Variants in CENPP observed in about 807,000 individuals in gnomAD.
CENPP encodes centromere protein P.
A neutral mutation model predicts 35.6 loss-of-function variants in CENPP; 24 were observed. The observed-to-expected ratio is 0.67, with a 90% CI of 0.49 to 0.95. CENPP has a LOEUF of 0.95. Among genes scored for constraint, CENPP ranks in the 40% least tolerant of loss-of-function variants. The pLI, the probability that CENPP is intolerant of heterozygous loss-of-function variation, is 0.00. For synonymous variants in CENPP, 120 were observed against 125.5 expected (o/e 0.96, Z 0.29); for missense variants, 332 against 345.3 (o/e 0.96, Z 0.31).
At chr9:92,568,110 T>G (rs954041013) in intron 5 of CENPP, among the ~76,000 whole-genome samples, 1 of 152,032 alleles carries the variant, frequency 6.6e-6, no homozygotes, top group Admixed American at 6.6e-5. Context: ...AGGATACATG[T>G]GCACTAGGGT....
intron 5 of CENPP, among the ~76,000 whole-genome samples, chr9:92,394,351 T>C (rs1229245699): frequency 6.6e-6 from 1 of 151,968 alleles, no homozygotes; most frequent in African/African-American, 2.4e-5. Context: ...CAAGCGATTC[T>C]TCTGCCTCAG....
chr9:92,419,510 A>G (rs1374592201), intron 5 of CENPP, among the ~76,000 whole-genome samples: 1 of 152,072 alleles, frequency 6.6e-6, no homozygotes, highest in Non-Finnish European at 1.5e-5. Context: ...CATGTTGACC[A>G]GGCTGCTCTC....
chr9:92,586,038 G>A (rs1850531243), intron 5 of CENPP, among the ~76,000 whole-genome samples: 1 of 151,604 alleles, frequency 6.6e-6, no homozygotes, highest in Non-Finnish European at 1.5e-5. Context: ...GGTAGCATCT[G>A]TAGAAATTTT....
intron 5 of CENPP, among the ~76,000 whole-genome samples, chr9:92,389,300 A>C (rs898279020): frequency 6.6e-6 from 1 of 152,216 alleles, no homozygotes; most frequent in Non-Finnish European, 1.5e-5. Flanking sequence ...TTTTTCCTAC[A>C]TAATATTTGC....
chr9:92,375,168 T>G (rs1424493474), intron 4 of CENPP, among the ~76,000 whole-genome samples: 1 of 152,230 alleles, frequency 6.6e-6, no homozygotes, highest in African/African-American at 2.4e-5. Flanking sequence ...TTGACTTTCA[T>G]TATGTATATG....
intron 5 of CENPP, among the ~76,000 whole-genome samples, chr9:92,552,345 T>G (rs943330531): frequency 6.6e-6 from 1 of 152,140 alleles, no homozygotes; most frequent in Non-Finnish European, 1.5e-5. Context: ...TTTATTTTCC[T>G]CTGGGTAGAT....
At chr9:92,484,765 G>T (rs1011591434) in intron 5 of CENPP, among the ~76,000 whole-genome samples, 3 of 152,186 alleles carry the variant, frequency 2.0e-5, no homozygotes, top group African/African-American at 4.8e-5. Context: ...CAGTCGAGTT[G>T]CCTGCATGGC....
chr9:92,530,513 T>C (rs1300639111), intron 5 of CENPP, among the ~76,000 whole-genome samples: 2 of 152,226 alleles, frequency 1.3e-5, no homozygotes, highest in East Asian at 3.8e-4. Context: ...AAGACTTTAA[T>C]ACTATTAACC....
rs543474905 is a variant in CENPP, at chr9:92,583,094, A to G, written c.565-28220A>G. On this transcript the variant is annotated intron_variant, in intron 5 of 7. Coordinates refer to ENST00000375587, the MANE Select transcript of CENPP (RefSeq NM_001012267.3). ...TCCCAGACTGGTGGTCGGATTCTCA[A>G]TGTGAAGTTTCTCCAAGACAGTCTG... Among the ~76,000 whole-genome samples, 4 of 152,270 alleles carry G rather than the reference A, an allele frequency of 2.6e-5. No individual in the cohort carries two copies. In the South Asian group the frequency reaches 6.2e-4, roughly 24 times the overall value.
At position 92,352,510 on chromosome 9, in the gene CENPP, C is replaced by CATATATATATATATATATATAT. The variant is rs67070835; in HGVS notation, c.467+6731_467+6752dup. 7.6e-3 allele frequency among the ~76,000 whole-genome samples: 383 copies of CATATATATATATATATATATAT among 50,314 alleles called. 22 individuals carry two copies. The highest frequency in any genetic ancestry group is 0.014 in the African/African-American group (90 of 6,318). The allele number at this position is 50,314 out of a possible 152,430, so 33.0% of individuals were successfully genotyped here. On this transcript the variant is annotated intron_variant, in intron 4 of 7. Transcript: ENST00000375587. ...GTGTGTGTGTGTGTGTGTGTGTATACATATATATATATATATATATATATA... is the reference window on the plus strand; with the variant it reads ...GTGTGTGTGTGTGTGTGTGTGTATACATATATATATATATATATATATATATATATATATATATATATATATA...
intron 5 of CENPP, among the ~76,000 whole-genome samples, chr9:92,605,407 T>C (rs549595590): frequency 1.1e-4 from 17 of 152,330 alleles, no homozygotes; most frequent in African/African-American, 4.1e-4. Context: ...TGCCAGTTAC[T>C]GAGGAGTCTA....
chr9:92,545,830 C>T (rs1367481912), intron 5 of CENPP, among the ~76,000 whole-genome samples: 2 of 152,194 alleles, frequency 1.3e-5, no homozygotes, highest in African/African-American at 2.4e-5. Flanking sequence ...CCAATCAGCA[C>T]ACTGTGTCTA....
intron 5 of CENPP, among the ~76,000 whole-genome samples, chr9:92,446,885 G>A (rs1844565761): frequency 1.3e-5 from 2 of 151,208 alleles, no homozygotes; most frequent in South Asian, 4.2e-4. Context: ...AGAAAAAAAG[G>A]AATGAAGAAA....
rs995260079 is a variant in CENPP at position 92,476,904 on chromosome 9, C to T, written c.564+97045C>T. 6.6e-6 allele frequency among the ~76,000 whole-genome samples: 1 copy of T among 152,160 alleles called. No individual in the cohort carries two copies. Among genetic ancestry groups the T allele is most frequent in the African/African-American group, 2.4e-5 (1 of 41,428 alleles). On this transcript the variant is annotated intron_variant, in intron 5 of 7. Transcript: ENST00000375587. This position sits in a 1 kb window ranked among gnomAD's most constrained non-coding sequence, Gnocchi z 4.1. Reference sequence around the variant, plus strand: ...ACTCAGTTGTTTTATCCAGAAATCTCGTGGCTTCATGGGCATACTCTGTCA... The same window carrying T: ...ACTCAGTTGTTTTATCCAGAAATCTTGTGGCTTCATGGGCATACTCTGTCA...
intron 7 of CENPP, 104 bp from the exon 8 acceptor site, chr9:92,612,915 T>C: frequency 4.5e-6 from 6 of 1,347,084 alleles, no homozygotes; most frequent in Non-Finnish European, 4.2e-6. Context: ...ATGCAGCTAG[T>C]CGGGAGGAGT....
chr9:92,611,185 C>G, intron 5 of CENPP, 129 bp from the exon 6 acceptor site: 1 of 733,102 alleles, frequency 1.4e-6, no homozygotes, highest in East Asian at 2.6e-5. Context: ...GCGGTTGGCA[C>G]CCATGGATGC....
intron 5 of CENPP, among the ~76,000 whole-genome samples, chr9:92,591,606 G>A (rs1417654861): frequency 1.3e-5 from 2 of 150,806 alleles, no homozygotes; most frequent in South Asian, 2.1e-4. Context: ...GGAAAATCAC[G>A]GGAAATAAAA....
rs2296670 is a variant in CENPP, at chr9:92,619,639, T to C, written c.*6490T>C. 5.8e-3 allele frequency: 7,550 copies of C among 1,311,732 alleles called. 449 individuals are homozygous for C. In the East Asian group the frequency reaches 0.13, roughly 23 times the overall value. 81.3% of individuals were successfully genotyped at this position (1,311,732 alleles called of 1,614,324 possible). On this transcript the variant is annotated 3_prime_UTR_variant, in exon 8 of 8. Coordinates refer to ENST00000375587, the MANE Select transcript of CENPP (RefSeq NM_001012267.3). ...CCCCCCACACAACCTTCCTTCCCAG[T>C]AGCCAAGTGTGGGAACTGCTTCCTG...
intron 5 of CENPP, among the ~76,000 whole-genome samples, chr9:92,557,646 T>C (rs1395645345): frequency 1.3e-5 from 2 of 151,878 alleles, no homozygotes; most frequent in Non-Finnish European, 2.9e-5. Flanking sequence ...CGCATTTCTT[T>C]GTTTGTTTGT....
Sources: allele counts gnomAD v4.1 joint callset (sites outside exome capture counted in the v4.1 genomes callset), GRCh38; gene constraint gnomAD v4.1.1; non-coding constraint Gnocchi (gnomAD v3.1); transcripts MANE v1.5; gene names NCBI Gene and HGNC (gene_info 2026-07-23, HGNC 2026-07-21).